KCNJ6: variants seen among roughly 807,000 people sequenced by gnomAD.
KCNJ6 encodes G protein-activated inward rectifier potassium channel 2.
Under a neutral mutation model 34.2 loss-of-function variants are expected in KCNJ6, and 9 were observed. That is an observed-to-expected ratio of 0.26 (90% CI 0.16 to 0.46). The LOEUF (loss-of-function observed/expected upper bound fraction) is 0.46. KCNJ6 is among the 20% of genes least tolerant of loss of function. The pLI is 1.00. For synonymous variants in KCNJ6, 196 were observed against 207.1 expected (o/e 0.95, Z 0.46); for missense variants, 236 against 531.3 (o/e 0.44, Z 5.46).
At chr21:37,749,858 A>G (rs2054986157) in intron 2 of KCNJ6, among the ~76,000 whole-genome samples, 1 of 152,226 alleles carries the variant, frequency 6.6e-6, no homozygotes, top group Non-Finnish European at 1.5e-5. Context: ...CCAGGGTTCA[A>G]GACATTCGTC....
intron 1 of KCNJ6, among the ~76,000 whole-genome samples, chr21:37,898,047 C>T (rs1340422197): frequency 6.6e-6 from 1 of 152,208 alleles, no homozygotes; most frequent in Non-Finnish European, 1.5e-5. Flanking sequence ...ACTGTGGGTT[C>T]TCCATGTTGA....
chr21:37,756,425 G>C (rs1358494369), intron 2 of KCNJ6, among the ~76,000 whole-genome samples: 2 of 152,328 alleles, frequency 1.3e-5, no homozygotes, highest in African/African-American at 4.8e-5. Context: ...GGAGAAGGCA[G>C]GGGACGTGCG....
Position 37,655,043 on chromosome 21 carries a change from G to A in KCNJ6, c.947-29559C>T, listed in dbSNP as rs866483369. ...TGAGAGAGAGGTGGACCGAGACAGAGGCAGCACAAAGGAAGTGGAGCAGGG... is the reference window on the plus strand; with the variant it reads ...TGAGAGAGAGGTGGACCGAGACAGAAGCAGCACAAAGGAAGTGGAGCAGGG... On this transcript the variant is annotated intron_variant, in intron 3 of 3. Transcript: ENST00000609713. Among the ~76,000 whole-genome samples, 7 of 152,108 alleles carry A rather than the reference G, an allele frequency of 4.6e-5. 1 individual carries two copies. In the South Asian group the frequency reaches 1.0e-3, roughly 23 times the overall value.
chr21:37,625,513 A>G, intron 3 of KCNJ6, 29 bp from the exon 4 acceptor site: 132 of 1,561,366 alleles, frequency 8.5e-5, no homozygotes, highest in Non-Finnish European at 1.1e-4. Context: ...AGGCTTTAGC[A>G]TATGTAAGTG....
intron 2 of KCNJ6, among the ~76,000 whole-genome samples, chr21:37,734,348 A>G (rs2054901847): frequency 6.6e-6 from 1 of 151,944 alleles, no homozygotes; most frequent in Non-Finnish European, 1.5e-5. Flanking sequence ...CAAAGTGGAG[A>G]TTGTGCAGAC....
Position 37,714,734 on chromosome 21 carries a change from A to G in KCNJ6, c.423T>C (p.Ser141=), listed in dbSNP as rs984972371. The G allele has an allele frequency of 4.3e-6, 7 of 1,613,984 alleles. 1 individual carries two copies. In the South Asian group the frequency reaches 4.4e-5, roughly 10 times the overall value. Reference sequence around the variant, plus strand: ...CTGTCTCTATTGAGAATAAAAAAGCAGAGACGAACCCGTTGAGGTTGGTAA... The same window carrying G: ...CTGTCTCTATTGAGAATAAAAAAGCGGAGACGAACCCGTTGAGGTTGGTAA... ...PCVTNLNGFV[S]AFLFSIETET... The change falls in exon 3 of 4, where the codon TCT becomes TCC. Residue 141 remains serine, a synonymous_variant. Coordinates refer to ENST00000609713, the MANE Select transcript of KCNJ6 (RefSeq NM_002240.5). This position sits in a 1 kb window ranked among gnomAD's most constrained non-coding sequence, Gnocchi z 5.9.
At chr21:37,703,874 G>A (rs2054704916) in intron 3 of KCNJ6, among the ~76,000 whole-genome samples, 1 of 152,188 alleles carries the variant, frequency 6.6e-6, no homozygotes, top group Admixed American at 6.5e-5. Context: ...TTCAATGTCG[G>A]GGATGAGAAA....
At chr21:37,758,960 T>C (rs1601458119) in intron 2 of KCNJ6, among the ~76,000 whole-genome samples, 1 of 152,176 alleles carries the variant, frequency 6.6e-6, no homozygotes, top group African/African-American at 2.4e-5. Flanking sequence ...GCGAGGAAAC[T>C]GAGGATTAGA....
intron 2 of KCNJ6, among the ~76,000 whole-genome samples, chr21:37,740,531 C>A (rs1433152056): frequency 6.6e-6 from 1 of 152,202 alleles, no homozygotes; most frequent in Non-Finnish European, 1.5e-5. Context: ...TCCCGCCTTT[C>A]TGGACTGAAC....
intron 2 of KCNJ6, among the ~76,000 whole-genome samples, chr21:37,750,074 G>T (rs1368773227): frequency 6.6e-6 from 1 of 152,122 alleles, no homozygotes; most frequent in African/African-American, 2.4e-5. Flanking sequence ...TGGTAGCAGA[G>T]CATAAAGCCA....
rs184828405 is a variant in KCNJ6, at chr21:37,612,544, T to C, written c.*12615A>G. On this transcript the variant is annotated 3_prime_UTR_variant, in exon 4 of 4. Transcript: ENST00000609713. ...AAGAAAGCTACAGTACTCAAGACGATGTGGTGTTGGTGAAGGAATAGACAA... is the reference window on the plus strand; with the variant it reads ...AAGAAAGCTACAGTACTCAAGACGACGTGGTGTTGGTGAAGGAATAGACAA... 1.3e-5 allele frequency: 2 copies of C among 152,272 alleles called. No homozygotes were observed. The highest frequency in any genetic ancestry group is 3.9e-4 in the East Asian group (2 of 5,188). 9.4% of individuals were successfully genotyped at this position (152,272 alleles called of 1,614,324 possible).
rs377767011 is a variant in KCNJ6, at chr21:37,826,177, G to A, written c.25+14481C>T. Among the ~76,000 whole-genome samples, 24 of 151,334 alleles carry A rather than the reference G, an allele frequency of 1.6e-4. No homozygotes were observed. In the South Asian group the frequency reaches 4.8e-3, roughly 30 times the overall value. On this transcript the variant is annotated intron_variant, in intron 2 of 3. Transcript: ENST00000609713. The stretch of plus-strand genomic sequence containing the variant: ...TCTAAATTTTAGCTTTAGTGTTGAG[G>A]TACCCTGGGGTCAATAATAATCCAG...
Position 37,895,935 on chromosome 21 carries a change from G to A in KCNJ6, c.-28+19949C>T, listed in dbSNP as rs905611146. ...AATGCCTGCAGGCTCATTGTATTAC[G>A]CCGTTCTTGGACTGCTATAAAGAAA... On this transcript the variant is annotated intron_variant, in intron 1 of 3. Transcript: ENST00000609713. 2.6e-5 allele frequency among the ~76,000 whole-genome samples: 4 copies of A among 152,272 alleles called. No individual in the cohort carries two copies. In the East Asian group the frequency reaches 5.8e-4, roughly 22 times the overall value.
chr21:37,915,966 G>GA lies in KCNJ6; in HGVS notation c.-111dup, dbSNP rs1304699326. 6.5e-6 allele frequency: 1 copy of GA among 152,826 alleles called. No homozygotes were observed. Among genetic ancestry groups the GA allele is most frequent in the African/African-American group, 2.4e-5 (1 of 41,480 alleles). 9.5% of individuals were successfully genotyped at this position (152,826 alleles called of 1,614,324 possible). On this transcript the variant is annotated 5_prime_UTR_variant, in exon 1 of 4. Transcript: ENST00000609713. ...AGACTGAACAATTCACTACACGACGGATGGCGAGGGAAGGAAATGCAAAAA... is the reference window on the plus strand; with the variant it reads ...AGACTGAACAATTCACTACACGACGGAATGGCGAGGGAAGGAAATGCAAAAA...
chr21:37,724,359 A>C (rs529147297), intron 2 of KCNJ6, among the ~76,000 whole-genome samples: 1 of 152,306 alleles, frequency 6.6e-6, no homozygotes, highest in African/African-American at 2.4e-5. Flanking sequence ...AACACGCACA[A>C]CTATTACTAG....
chr21:37,709,767 A>G (rs1366711474), intron 3 of KCNJ6, among the ~76,000 whole-genome samples: 2 of 152,084 alleles, frequency 1.3e-5, no homozygotes, highest in Admixed American at 1.3e-4. Flanking sequence ...CCAACTCAAA[A>G]ATTTTATGAT....
intron 3 of KCNJ6, among the ~76,000 whole-genome samples, chr21:37,703,026 G>T (rs552021293): frequency 6.6e-6 from 1 of 152,252 alleles, no homozygotes; most frequent in Non-Finnish European, 1.5e-5. Context: ...GGAGAGGACA[G>T]GTGATTCTTT....
chr21:37,893,632 C>CT lies in KCNJ6; in HGVS notation c.-28+22251dup, dbSNP rs550634250. 7.7e-3 allele frequency among the ~76,000 whole-genome samples: 1,081 copies of CT among 139,522 alleles called. 30 individuals are homozygous for CT. The South Asian group carries it at 0.084, about 11-fold the overall frequency. The allele number at this position is 139,522 out of a possible 152,430, so 91.5% of individuals were successfully genotyped here. A position where few individuals can be genotyped will look rare whatever the true frequency, so the allele number is the denominator to read the frequency against. Reference sequence around the variant, plus strand: ...CTCTCTCACCTACGGCTGGAGAAGCCTTTTTTTTTTTTTTTCCTCTGCCTT... The same window carrying CT: ...CTCTCTCACCTACGGCTGGAGAAGCCTTTTTTTTTTTTTTTTCCTCTGCCTT... On this transcript the variant is annotated intron_variant, in intron 1 of 3. Transcript: ENST00000609713.
At chr21:37,775,602 T>C (rs1285642563) in intron 2 of KCNJ6, among the ~76,000 whole-genome samples, 2 of 152,226 alleles carry the variant, frequency 1.3e-5, no homozygotes, top group African/African-American at 4.8e-5. Flanking sequence ...ATTTATTAAA[T>C]AGGGAATCCT....
Sources: gnomAD v4.1 joint callset for allele counts (sites outside exome capture counted in the v4.1 genomes callset) on GRCh38, gnomAD v4.1.1 for gene constraint, Gnocchi (gnomAD v3.1) non-coding constraint, MANE v1.5 for transcripts, NCBI Gene and HGNC (gene_info 2026-07-23, HGNC 2026-07-21) for gene names.